The following TMEM123 variants were observed in gnomAD, a reference collection of about 807,000 sequenced individuals.
TMEM123 encodes the protein transmembrane protein 123.
A neutral mutation model predicts 19.7 loss-of-function variants in TMEM123; 16 were observed. The ratio of observed to expected loss-of-function variants is 0.81; its 90% CI spans 0.55 to 1.23. TMEM123 has a LOEUF of 1.23. TMEM123 is among the 50% of genes most tolerant of loss of function. TMEM123 has a pLI of 0.00. For synonymous variants in TMEM123, 118 were observed against 99.4 expected (o/e 1.19, Z -1.12); for missense variants, 313 against 257.8 (o/e 1.21, Z -1.47).
chr11:102,424,104 T>C (rs1952106862), intron 2 of TMEM123, among the ~76,000 whole-genome samples: 1 of 152,114 alleles, frequency 6.6e-6, no homozygotes, highest in South Asian at 2.1e-4. Context: ...AGTGGGCTAT[T>C]AGAGGGAGGC....
At chr11:102,420,458 T>C (rs1173878572) in intron 2 of TMEM123, among the ~76,000 whole-genome samples, 1 of 152,210 alleles carries the variant, frequency 6.6e-6, no homozygotes, top group Non-Finnish European at 1.5e-5. Context: ...CACCGAACGC[T>C]GTTCTAAGTA....
chr11:102,420,416 A>G (rs1326351397), intron 2 of TMEM123, among the ~76,000 whole-genome samples: 1 of 152,230 alleles, frequency 6.6e-6, no homozygotes, highest in African/African-American at 2.4e-5. Flanking sequence ...TCCCAGCAGT[A>G]TTCAAAGAAT....
Position 102,402,215 on chromosome 11 carries a change from A to G in TMEM123, c.158-9T>C. ...CACATGTTGGAGAGTCTCTGCAATAATATCAAGAAACATTAAAACCAGAGC... is the reference window on the plus strand; with the variant it reads ...CACATGTTGGAGAGTCTCTGCAATAGTATCAAGAAACATTAAAACCAGAGC... On this transcript the variant is annotated splice_polypyrimidine_tract_variant and intron_variant, in intron 2 of 4. Transcript: ENST00000398136. 1.2e-6 allele frequency: 2 copies of G among 1,610,050 alleles called. No individual in the cohort carries two copies. The highest frequency in any genetic ancestry group is 1.7e-6 in the Non-Finnish European group (2 of 1,177,342).
chr11:102,403,452 C>T (rs1200831318), intron 2 of TMEM123, among the ~76,000 whole-genome samples: 1 of 152,210 alleles, frequency 6.6e-6, no homozygotes, highest in African/African-American at 2.4e-5. Flanking sequence ...TTTAACACGA[C>T]AATTTAACTA....
At chr11:102,435,430 A>G (rs558506459) in intron 2 of TMEM123, among the ~76,000 whole-genome samples, 2 of 152,096 alleles carry the variant, frequency 1.3e-5, no homozygotes, top group South Asian at 2.1e-4. Flanking sequence ...AAAAAACCGT[A>G]CAACAACAAG....
intron 2 of TMEM123, among the ~76,000 whole-genome samples, chr11:102,434,466 G>A (rs1490595190): frequency 1.3e-5 from 2 of 151,714 alleles, no homozygotes; most frequent in Non-Finnish European, 2.9e-5. Flanking sequence ...CTATAGAGTT[G>A]AGTTCTTAAT....
At chr11:102,425,957 T>C (rs11605066) in intron 2 of TMEM123, among the ~76,000 whole-genome samples, 6,829 of 152,300 alleles carry the variant, frequency 0.045, 213 homozygotes, top group Non-Finnish European at 0.073. Context: ...GTACTTAGCA[T>C]ACTGGCCTTT....
intron 2 of TMEM123, among the ~76,000 whole-genome samples, chr11:102,411,712 G>A (rs892270507): frequency 9.2e-5 from 14 of 151,644 alleles, no homozygotes; most frequent in East Asian, 7.7e-4. Context: ...ATCTGGTGTC[G>A]GAAGTGCCGT....
chr11:102,418,872 GCT>G (rs556745043), intron 2 of TMEM123, among the ~76,000 whole-genome samples: 52 of 152,306 alleles, frequency 3.4e-4, no homozygotes, highest in Non-Finnish European at 6.8e-4. Context: ...CACGGATGCA[GCT>G]GGAAGGCATT....
At chr11:102,423,171 C>G (rs1952100178) in intron 2 of TMEM123, among the ~76,000 whole-genome samples, 1 of 152,202 alleles carries the variant, frequency 6.6e-6, no homozygotes, top group Non-Finnish European at 1.5e-5. Context: ...CTATGTAACA[C>G]AGTGCAAACA....
rs77497157 is a variant in TMEM123, at chr11:102,431,091, G to A, written c.157+17721C>T. Among the ~76,000 whole-genome samples the A allele has an allele frequency of 3.5e-3, 533 of 152,150 alleles. 4 individuals are homozygous for A. The highest frequency in any genetic ancestry group is 0.012 in the African/African-American group (508 of 41,510). ...CCATAATGAAATGTTTTGTAGGAGA[G>A]GGTCAGTTCCCATTTTAGGAAACTG... is the stretch of plus-strand genomic sequence containing the variant. On this transcript the variant is annotated intron_variant, in intron 2 of 4. Coordinates refer to ENST00000398136, the MANE Select transcript of TMEM123 (RefSeq NM_052932.3).
intron 4 of TMEM123, among the ~76,000 whole-genome samples, chr11:102,399,556 A>G (rs1160192015): frequency 6.6e-6 from 1 of 152,222 alleles, no homozygotes; most frequent in Non-Finnish European, 1.5e-5. Context: ...TTCTTTTAAA[A>G]TCAGTTTGAG....
chr11:102,410,683 C>T (rs919635237), intron 2 of TMEM123, among the ~76,000 whole-genome samples: 7 of 152,118 alleles, frequency 4.6e-5, no homozygotes, highest in Non-Finnish European at 8.8e-5. Flanking sequence ...AGGCTGACAG[C>T]TTGCTCCTCC....
chr11:102,444,935 C>T (rs968520075), intron 2 of TMEM123, among the ~76,000 whole-genome samples: 7 of 151,628 alleles, frequency 4.6e-5, no homozygotes, highest in African/African-American at 1.5e-4. Context: ...AACCAAACAC[C>T]GCATGTTCTC....
chr11:102,443,310 C>T (rs1027078723), intron 2 of TMEM123, among the ~76,000 whole-genome samples: 2 of 152,218 alleles, frequency 1.3e-5, no homozygotes, highest in African/African-American at 4.8e-5. Flanking sequence ...TACAAGGCTA[C>T]AGTAACCAAA....
intron 4 of TMEM123, among the ~76,000 whole-genome samples, chr11:102,399,703 C>G (rs1311629271): frequency 6.6e-6 from 1 of 152,214 alleles, no homozygotes; most frequent in Non-Finnish European, 1.5e-5. Flanking sequence ...GATATGGTGG[C>G]TCACGCCTGT....
intron 2 of TMEM123, among the ~76,000 whole-genome samples, chr11:102,421,885 C>T (rs969767255): frequency 1.3e-5 from 2 of 152,070 alleles, no homozygotes; most frequent in African/African-American, 4.8e-5. Flanking sequence ...TGGGTTTGCT[C>T]CTCCCAATTT....
chr11:102,404,498 C>T (rs1016707475), intron 2 of TMEM123, among the ~76,000 whole-genome samples: 3 of 151,826 alleles, frequency 2.0e-5, no homozygotes, highest in African/African-American at 4.8e-5. Context: ...TGGCCAGGCT[C>T]GTTTCAAACT....
chr11:102,426,754 T>C (rs1419799427), intron 2 of TMEM123, among the ~76,000 whole-genome samples: 1 of 151,630 alleles, frequency 6.6e-6, no homozygotes, highest in African/African-American at 2.4e-5. Context: ...GCAAAGATCT[T>C]TGGTGTCCCT....
Sources: allele counts gnomAD v4.1 joint callset (sites outside exome capture counted in the v4.1 genomes callset), GRCh38; gene constraint gnomAD v4.1.1; transcripts MANE v1.5; gene names NCBI Gene and HGNC (gene_info 2026-07-23, HGNC 2026-07-21).